The following PRKN variants were observed in gnomAD, a reference collection of about 807,000 sequenced individuals.
PRKN encodes E3 ubiquitin-protein ligase parkin.
A neutral mutation model predicts 59.5 loss-of-function variants in PRKN; 56 were observed. The observed-to-expected ratio is 0.94, with a 90% CI of 0.76 to 1.18. The LOEUF (loss-of-function observed/expected upper bound fraction) is 1.18, where lower values mean the gene tolerates loss of function less well. Among genes scored for constraint, PRKN ranks in the 50% most tolerant of loss-of-function variants. The pLI is 0.00. For synonymous variants in PRKN, 250 were observed against 222.1 expected (o/e 1.13, Z -1.12); for missense variants, 657 against 596.4 (o/e 1.10, Z -1.06).
chr6:161,889,407 C>G lies in PRKN; in HGVS notation c.734+83895G>C, dbSNP rs535128539. On this transcript the variant is annotated intron_variant, in intron 6 of 11. Transcript: ENST00000366898. ...ATACACTGTGGTGCCAGCCACACAA[C>G]AGTCACCACTGAGCAACAGAGAGGG... is the stretch of plus-strand genomic sequence containing the variant. Among the ~76,000 whole-genome samples, 99 of 152,318 alleles carry G rather than the reference C, an allele frequency of 6.5e-4. 1 individual carries two copies. Among genetic ancestry groups the G allele is most frequent in the African/African-American group, 2.4e-3 (98 of 41,578 alleles).
At chr6:162,114,392 G>C (rs1780577271) in intron 4 of PRKN, among the ~76,000 whole-genome samples, 1 of 151,530 alleles carries the variant, frequency 6.6e-6, no homozygotes, top group East Asian at 1.9e-4. Flanking sequence ...TTATTTCCTT[G>C]AGCAGTGGTT....
chr6:162,224,688 G>C (rs1778089736), intron 3 of PRKN, among the ~76,000 whole-genome samples: 1 of 152,134 alleles, frequency 6.6e-6, no homozygotes, highest in African/African-American at 2.4e-5. Context: ...AGGGAAGTAG[G>C]CCTGGGGAAT....
At chr6:161,661,901 G>T (rs1417163117) in intron 7 of PRKN, among the ~76,000 whole-genome samples, 6 of 151,828 alleles carry the variant, frequency 4.0e-5, no homozygotes, top group Non-Finnish European at 8.8e-5. Context: ...TGGGCACCTG[G>T]AATCCCAGCT....
intron 1 of PRKN, among the ~76,000 whole-genome samples, chr6:162,536,984 T>A (rs1378427775): frequency 6.6e-6 from 1 of 152,176 alleles, no homozygotes; most frequent in Non-Finnish European, 1.5e-5. Context: ...TGTATGTTTT[T>A]AAAGAGTTTT....
intron 2 of PRKN, among the ~76,000 whole-genome samples, chr6:162,382,014 T>C (rs571699937): frequency 6.6e-6 from 1 of 152,296 alleles, no homozygotes; most frequent in East Asian, 1.9e-4. Context: ...AGGGGGTTAT[T>C]GGTCAAAAAT....
chr6:162,629,106 T>A (rs1201166605), intron 1 of PRKN, among the ~76,000 whole-genome samples: 1 of 152,136 alleles, frequency 6.6e-6, no homozygotes, highest in African/African-American at 2.4e-5. Context: ...CTGCCCCAAT[T>A]CATATACAAG....
At chr6:162,629,088 G>A (rs1482459779) in intron 1 of PRKN, among the ~76,000 whole-genome samples, 1 of 152,048 alleles carries the variant, frequency 6.6e-6, no homozygotes, top group East Asian at 1.9e-4. Flanking sequence ...CATTTCAGGG[G>A]TTCCCTACTG....
chr6:162,140,626 T>C (rs1408821458), intron 4 of PRKN, among the ~76,000 whole-genome samples: 1 of 152,170 alleles, frequency 6.6e-6, no homozygotes, highest in Non-Finnish European at 1.5e-5. Context: ...GCAATGCCAC[T>C]GGAGGAAAGA....
At chr6:161,687,005 A>G (rs1312740248) in intron 7 of PRKN, among the ~76,000 whole-genome samples, 1 of 152,194 alleles carries the variant, frequency 6.6e-6, no homozygotes, top group Non-Finnish European at 1.5e-5. Flanking sequence ...CACTTTATAG[A>G]GAATGAAAAA....
chr6:162,004,008 C>A (rs1179329077), intron 5 of PRKN, among the ~76,000 whole-genome samples: 1 of 152,128 alleles, frequency 6.6e-6, no homozygotes, highest in Admixed American at 6.6e-5. Flanking sequence ...GCCTTGGTCT[C>A]GTCACACAGA....
intron 1 of PRKN, among the ~76,000 whole-genome samples, chr6:162,450,788 T>C (rs62430724): frequency 0.081 from 12,374 of 152,200 alleles, 605 homozygotes; most frequent in South Asian, 0.2. Context: ...AAATGCAATG[T>C]GGTAGCCTGG....
chr6:162,497,430 T>C (rs1303712883), intron 1 of PRKN, among the ~76,000 whole-genome samples: 1 of 152,250 alleles, frequency 6.6e-6, no homozygotes, highest in Non-Finnish European at 1.5e-5. Context: ...ATTGTGATTG[T>C]CAAAATGTGA....
chr6:161,692,166 C>A (rs1562611866), intron 7 of PRKN, among the ~76,000 whole-genome samples: 1 of 152,100 alleles, frequency 6.6e-6, no homozygotes, highest in Non-Finnish European at 1.5e-5. Context: ...AAATTTGCCT[C>A]TACTCTGAAT....
intron 6 of PRKN, among the ~76,000 whole-genome samples, chr6:161,868,013 G>A (rs755498004): frequency 6.6e-5 from 10 of 151,274 alleles, no homozygotes; most frequent in Non-Finnish European, 1.5e-4. Context: ...CACCACCCTC[G>A]GCCTCCCAAA....
intron 7 of PRKN, among the ~76,000 whole-genome samples, chr6:161,655,402 G>A (rs1289122789): frequency 4.1e-4 from 45 of 108,636 alleles, no homozygotes; most frequent in East Asian, 9.2e-4. Context: ...TTACAGAGGC[G>A]TTCCTGGGCC....
chr6:161,994,670 A>C (rs905493086), intron 5 of PRKN, among the ~76,000 whole-genome samples: 1 of 152,130 alleles, frequency 6.6e-6, no homozygotes, highest in African/African-American at 2.4e-5. Flanking sequence ...CTATACCAAT[A>C]ACAAACTAAT....
chr6:162,559,788 C>A (rs1360520229), intron 1 of PRKN, among the ~76,000 whole-genome samples: 1 of 152,134 alleles, frequency 6.6e-6, no homozygotes, highest in African/African-American at 2.4e-5. Flanking sequence ...TACCAATAAG[C>A]AACACATATC....
In PRKN at chr6:161,680,742, TATATATATATATATATATATATA is replaced by T. The variant is rs1271725260; in HGVS notation, c.871+105007_871+105029del. On this transcript the variant is annotated intron_variant, in intron 7 of 11. Transcript: ENST00000366898. ...CCTGAAATACATATATATATATATATATATATATATATATATATATATATATATATATATTTTTTTTTTTTTTT... is the reference window on the plus strand; with the variant it reads ...CCTGAAATACATATATATATATATATTATATATATATTTTTTTTTTTTTTT... Among the ~76,000 whole-genome samples, 14 of 6,370 alleles carry T rather than the reference TATATATATATATATATATATATA, an allele frequency of 2.2e-3. 1 individual carries two copies. The highest frequency in any genetic ancestry group is 4.8e-3 in the African/African-American group (14 of 2,904). 4.2% of individuals were successfully genotyped at this position (6,370 alleles called of 152,430 possible). A position where few individuals can be genotyped will look rare whatever the true frequency, so the allele number is the denominator to read the frequency against.
In PRKN at chr6:161,724,852, C is replaced by T. The variant is rs115598636; in HGVS notation, c.871+60920G>A. 9.1e-3 allele frequency among the ~76,000 whole-genome samples: 1,379 copies of T among 152,204 alleles called. 19 individuals are homozygous for T. The highest frequency in any genetic ancestry group is 0.032 in the African/African-American group (1,335 of 41,496). On this transcript the variant is annotated intron_variant, in intron 7 of 11. Transcript: ENST00000366898. Reference sequence around the variant, plus strand: ...AAATCTCATGTTGAATTGTAATCCCCAATGCTGGAGATGGGGCCTGGTAGG... The same window carrying T: ...AAATCTCATGTTGAATTGTAATCCCTAATGCTGGAGATGGGGCCTGGTAGG...
Sources: gnomAD v4.1 joint callset for allele counts (sites outside exome capture counted in the v4.1 genomes callset) on GRCh38, gnomAD v4.1.1 for gene constraint, MANE v1.5 for transcripts, NCBI Gene and HGNC (gene_info 2026-07-23, HGNC 2026-07-21) for gene names.